Variants in TNKS observed in about 807,000 individuals in gnomAD.
The protein encoded by TNKS is tankyrase.
Under a neutral mutation model 135.8 loss-of-function variants are expected in TNKS, and 72 were observed. That is an observed-to-expected ratio of 0.53 (90% confidence interval 0.44 to 0.64). The LOEUF is 0.64. Ranked by LOEUF, TNKS falls within the 30% of genes least tolerant of loss-of-function variation. The pLI, the probability that TNKS is intolerant of heterozygous loss-of-function variation, is 0.00. For synonymous variants in TNKS, 849 were observed against 649.3 expected, an observed-to-expected ratio of 1.31 and a Z score of -4.68; for missense variants, 1,769 against 1,674.0, an observed-to-expected ratio of 1.06 and a Z score of -0.99.
chr8:9,610,932 T>C (rs917909075), intron 2 of TNKS, among the ~76,000 whole-genome samples: 8 of 152,244 alleles, frequency 5.3e-5, no homozygotes, highest in African/African-American at 1.7e-4. Flanking sequence ...TTATTTGCAA[T>C]AATTATGCAA....
At chr8:9,595,919 C>G (rs1798771100) in intron 2 of TNKS, among the ~76,000 whole-genome samples, 1 of 152,072 alleles carries the variant, frequency 6.6e-6, no homozygotes, top group African/African-American at 2.4e-5. Context: ...TGAGACCAGC[C>G]TGAGCAATAA....
At chr8:9,679,768 C>G (rs1465327604) in intron 3 of TNKS, 183 bp from the exon 4 acceptor site, 3 of 510,598 alleles carry the variant, frequency 5.9e-6, no homozygotes, top group East Asian at 3.0e-5. Flanking sequence ...AATTTGCTGC[C>G]CGTCTCCAAG....
chr8:9,618,353 T>A (rs753566474), intron 3 of TNKS, among the ~76,000 whole-genome samples: 3 of 152,186 alleles, frequency 2.0e-5, no homozygotes, highest in African/African-American at 7.2e-5. Context: ...AATTTTGCAA[T>A]TAAGGGACCC....
intron 1 of TNKS, among the ~76,000 whole-genome samples, chr8:9,571,054 C>A (rs191983500): frequency 8.1e-4 from 123 of 152,314 alleles, no homozygotes; most frequent in African/African-American, 2.8e-3. Context: ...CATTTTGCTG[C>A]ATTTTCATTT....
chr8:9,649,878 CTTTTTTTTTTTT>C (rs71201959), intron 3 of TNKS, among the ~76,000 whole-genome samples: 29 of 83,364 alleles, frequency 3.5e-4, no homozygotes, highest in African/African-American at 1.3e-3. Flanking sequence ...CTTTTCTTTT[CTTTTTTTTTTTT>C]TTTTTTTTTT....
intron 3 of TNKS, among the ~76,000 whole-genome samples, chr8:9,648,585 T>C (rs1478010030): frequency 6.6e-6 from 1 of 152,238 alleles, no homozygotes; most frequent in African/African-American, 2.4e-5. Context: ...ATGTATTTCA[T>C]GTATTGTATG....
intron 5 of TNKS, among the ~76,000 whole-genome samples, chr8:9,697,049 A>G (rs531832296): frequency 2.6e-5 from 4 of 152,174 alleles, no homozygotes; most frequent in Non-Finnish European, 5.9e-5. Context: ...AATTCAAACT[A>G]TACTGTCAGG....
intron 1 of TNKS, among the ~76,000 whole-genome samples, chr8:9,574,601 C>G (rs993360324): frequency 6.6e-6 from 1 of 152,276 alleles, no homozygotes; most frequent in Admixed American, 6.5e-5. Flanking sequence ...ACAATGAAAC[C>G]CAATCTTCTT....
intron 8 of TNKS, among the ~76,000 whole-genome samples, chr8:9,707,625 G>A (rs1804111536): frequency 1.3e-5 from 2 of 152,068 alleles, no homozygotes; most frequent in African/African-American, 2.4e-5. Flanking sequence ...ACATGCAAAT[G>A]TTTTTTAAAT....
chr8:9,719,619 A>G (rs1352685811), intron 11 of TNKS, among the ~76,000 whole-genome samples: 2 of 152,194 alleles, frequency 1.3e-5, no homozygotes, highest in Non-Finnish European at 2.9e-5. Context: ...AAAGGCAGAA[A>G]GAAGGGTTTC....
At position 9,641,609 on chromosome 8, in the gene TNKS, TA is replaced by T. The variant is rs1346289881; in HGVS notation, c.994+25934del. 4.7e-4 allele frequency among the ~76,000 whole-genome samples: 69 copies of T among 145,800 alleles called. 7 individuals carry two copies. The highest frequency in any genetic ancestry group is 1.6e-3 in the African/African-American group (62 of 39,406). ...AAACTCTAGTGCCATTGAGTATTTC[TA>T]ACATTATTTTTCAGAAAAACATTTT... On this transcript the variant is annotated intron_variant, in intron 3 of 26. Transcript: ENST00000310430.
intron 3 of TNKS, among the ~76,000 whole-genome samples, chr8:9,626,919 T>C (rs1232644395): frequency 1.3e-5 from 2 of 152,250 alleles, no homozygotes; most frequent in Non-Finnish European, 2.9e-5. Context: ...TCATGTCTTT[T>C]TGTATGCTAA....
intron 13 of TNKS, among the ~76,000 whole-genome samples, chr8:9,727,536 C>T (rs1042258202): frequency 2.0e-5 from 3 of 152,132 alleles, no homozygotes; most frequent in Admixed American, 6.5e-5. Flanking sequence ...GCCTACTATC[C>T]AAGTAGCTGA....
rs1804828496 is a variant in TNKS at position 9,720,621 on chromosome 8, A to C, written c.1921+76A>C. The stretch of plus-strand genomic sequence containing the variant: ...GCTGAAATACACAGACAAACTTTGC[A>C]GTGTTTACTTTGCCTGAAGTTTTTC... On this transcript the variant is annotated intron_variant, in intron 12 of 26. Transcript: ENST00000310430. 2.1e-6 allele frequency: 3 copies of C among 1,432,258 alleles called. No homozygotes were observed. In the African/African-American group the frequency reaches 4.4e-5, roughly 21 times the overall value. The allele number at this position is 1,432,258 out of a possible 1,614,324, so 88.7% of individuals were successfully genotyped here. A position where few individuals can be genotyped will look rare whatever the true frequency, so the allele number is the denominator to read the frequency against.
intron 5 of TNKS, among the ~76,000 whole-genome samples, chr8:9,688,303 G>A (rs1255771982): frequency 6.6e-6 from 1 of 152,178 alleles, no homozygotes; most frequent in African/African-American, 2.4e-5. Context: ...GGTGCAAACA[G>A]AAGTCTGATT....
intron 20 of TNKS, among the ~76,000 whole-genome samples, chr8:9,753,224 T>C (rs1428307105): frequency 1.3e-5 from 2 of 152,208 alleles, no homozygotes; most frequent in African/African-American, 4.8e-5. Flanking sequence ...TTGTCCTTGG[T>C]TGTTTGTTTC....
At chr8:9,684,093 T>G (rs1802891968) in intron 5 of TNKS, among the ~76,000 whole-genome samples, 1 of 152,004 alleles carries the variant, frequency 6.6e-6, no homozygotes, top group Non-Finnish European at 1.5e-5. Context: ...TGTTATTTAG[T>G]CATCTTCTAC....
At chr8:9,716,047 A>G (rs1022037988) in intron 11 of TNKS, among the ~76,000 whole-genome samples, 20 of 152,184 alleles carry the variant, frequency 1.3e-4, no homozygotes, top group African/African-American at 4.8e-4. Context: ...AAGCATAGCT[A>G]TTTTGTCATT....
At chr8:9,623,868 G>A (rs1007823537) in intron 3 of TNKS, among the ~76,000 whole-genome samples, 1 of 152,066 alleles carries the variant, frequency 6.6e-6, no homozygotes, top group African/African-American at 2.4e-5. Flanking sequence ...TGGGCGTGGT[G>A]GTGGGCGCCT....
Sources: gnomAD v4.1 joint callset for allele counts (sites outside exome capture counted in the v4.1 genomes callset) on GRCh38, gnomAD v4.1.1 for gene constraint, MANE v1.5 for transcripts, NCBI Gene and HGNC (gene_info 2026-07-23, HGNC 2026-07-21) for gene names.